The following ASPM variants were observed in gnomAD, a reference collection of about 807,000 sequenced individuals.
ASPM encodes the protein assembly factor for spindle microtubules, also known as abnormal spindle-like microcephaly-associated protein.
A neutral mutation model predicts 366.4 loss-of-function variants in ASPM; 256 were observed. The observed-to-expected ratio is 0.70, with a 90% CI of 0.63 to 0.77. The LOEUF (loss-of-function observed/expected upper bound fraction) is 0.77. Among genes scored for constraint, ASPM ranks in the 30% least tolerant of loss-of-function variants. The pLI is 0.00. For missense variants in ASPM, 4,146 were observed against 4,090.4 expected (o/e 1.01, Z -0.37); for synonymous variants, 1,414 against 1,342.9 (o/e 1.05, Z -1.16).
rs531053999 is a variant in ASPM, at chr1:197,132,469, T to A, written c.2420-117A>T. On this transcript the variant is annotated intron_variant, in intron 6 of 27. Coordinates refer to ENST00000367409, the MANE Select transcript of ASPM (RefSeq NM_018136.5). ...AAATACTTGCTTATATGAAATAAGTTAATTTAAATAAAATACACTTATAGT... is the reference window on the plus strand; with the variant it reads ...AAATACTTGCTTATATGAAATAAGTAAATTTAAATAAAATACACTTATAGT... 1.1e-3 allele frequency: 851 copies of A among 784,352 alleles called. 1 individual carries two copies. Among genetic ancestry groups the A allele is most frequent in the Non-Finnish European group, 1.7e-3 (785 of 472,768 alleles). 48.6% of individuals were successfully genotyped at this position (784,352 alleles called of 1,614,324 possible).
At position 197,104,200 on chromosome 1, in the gene ASPM, T is replaced by C; in HGVS notation, c.5051A>G (p.Lys1684Arg). 1 of 1,612,592 alleles carries C rather than the reference T, an allele frequency of 6.2e-7. No homozygotes were observed. Among genetic ancestry groups the C allele is most frequent in the Non-Finnish European group, 8.5e-7 (1 of 1,179,266 alleles). The part of the protein sequence containing the change: ...EFLSLKNATI[K>R]LQSTVKMKQT... The stretch of plus-strand genomic sequence containing the variant: ...TTTCATCTTAACAGTTGACTGCAAT[T>C]TTATTGTAGCATTTTTTAGGCTCAA... The change falls in exon 18 of 28, where the codon AAA (lysine) becomes AGA (arginine). Residue 1684 changes from lysine (K) to arginine (R), a missense_variant. Around this residue, in one of 3 missense-constraint regions of ASPM, gnomAD observed 3,624 missense variants for 3,591.7 expected, o/e 1.01. Coordinates refer to ENST00000367409, the MANE Select transcript of ASPM (RefSeq NM_018136.5).
Position 197,103,830 on chromosome 1 carries a change from G to A in ASPM, c.5421C>T (p.Cys1807=). 6.2e-7 allele frequency: 1 copy of A among 1,612,954 alleles called. No homozygotes were observed. The highest frequency in any genetic ancestry group is 8.5e-7 in the Non-Finnish European group (1 of 1,179,374). ...NFLQVKKAAT[C]LQAAYRGYKV... ...TATAACCTCTGTAAGCTGCTTGCAA[G>A]CAAGTAGCTGCTTTTTTGACTTGCA... The change falls in exon 18 of 28, where the codon TGC becomes TGT. Residue 1807 remains cysteine (C), a synonymous_variant. Coordinates refer to ENST00000367409, the MANE Select transcript of ASPM (RefSeq NM_018136.5).
At chr1:197,136,738 G>A (rs1024053740) in intron 4 of ASPM, among the ~76,000 whole-genome samples, 5 of 152,010 alleles carry the variant, frequency 3.3e-5, no homozygotes, top group African/African-American at 1.2e-4. Flanking sequence ...GCAAAAATCA[G>A]TAACTCTGAC....
Position 197,102,563 on chromosome 1 carries a change from T to G in ASPM, c.6688A>C (p.Asn2230His). 1 of 1,612,228 alleles carries G rather than the reference T, an allele frequency of 6.2e-7. No homozygotes were observed. Among genetic ancestry groups the G allele is most frequent in the Non-Finnish European group, 8.5e-7 (1 of 1,179,018 alleles). The change falls in exon 18 of 28, where the codon AAC becomes CAC. Residue 2230 changes from asparagine to histidine, a missense_variant. By Grantham distance (68) the Asn-to-His change is moderately conservative (BLOSUM62 1). Coordinates refer to ENST00000367409, the MANE Select transcript of ASPM (RefSeq NM_018136.5). ...QQRYWAMKER[N>H]IQFQRYNKLR... ...TTGTTATACCTTTGAAATTGTATGT[T>G]TCTTTCTTTCATTGCCCAGTATCTT...
At chr1:197,096,374 T>C (rs1328274694) in intron 18 of ASPM, among the ~76,000 whole-genome samples, 1 of 151,832 alleles carries the variant, frequency 6.6e-6, no homozygotes, top group African/African-American at 2.4e-5. Context: ...ATGTGCTTTA[T>C]CACACATACC....
Position 197,129,939 on chromosome 1 carries a change from T to C in ASPM, c.2605A>G (p.Thr869Ala), listed in dbSNP as rs1322714921. 1 of 1,613,728 alleles carries C rather than the reference T, an allele frequency of 6.2e-7. No homozygotes were observed. The highest frequency in any genetic ancestry group is 8.5e-7 in the Non-Finnish European group (1 of 1,179,840). Residue 869 changes from threonine (T) to alanine (A), a missense_variant, in exon 8 of 28, where the codon ACT becomes GCT. This residue lies in a region of ASPM where 3,624 missense variants were observed against 3,591.7 expected (regional missense o/e 1.01). Coordinates refer to ENST00000367409, the MANE Select transcript of ASPM (RefSeq NM_018136.5). The part of the protein sequence containing the change: ...PDIAAEYRHP[T>A]VPHLYRDGHE... The stretch of plus-strand genomic sequence containing the variant: ...CCATCTCTATACAGGTGAGGAACAG[T>C]GGGGTGTCTATACTCAGCTGCTATA...
chr1:197,139,325 G>C (rs147536851), intron 4 of ASPM: 31 of 711,634 alleles, frequency 4.4e-5, no homozygotes, highest in African/African-American at 1.1e-4. Flanking sequence ...GGCCGGGCGC[G>C]GTGGCTCACG....
At chr1:197,120,469 G>A (rs1185202719) in intron 16 of ASPM, among the ~76,000 whole-genome samples, 1 of 152,112 alleles carries the variant, frequency 6.6e-6, no homozygotes, top group Admixed American at 6.6e-5. Context: ...GACAAAATCT[G>A]AAGTGAGCCA....
At chr1:197,132,256 T>C in intron 7 of ASPM, 29 bp downstream of exon 7, 1 of 1,533,928 alleles carries the variant, frequency 6.5e-7, no homozygotes, top group East Asian at 2.3e-5. Flanking sequence ...AAAAAAATAT[T>C]ATTTTAGAAA....
At chr1:197,127,649 C>T (rs1404908240) in intron 10 of ASPM, among the ~76,000 whole-genome samples, 1 of 152,110 alleles carries the variant, frequency 6.6e-6, no homozygotes. Context: ...ACTGGCTATC[C>T]ATCATACATA....
In ASPM at chr1:197,145,845, AATATAT is replaced by A. The variant is rs71131744; in HGVS notation, c.297+290_297+295del. Among the ~76,000 whole-genome samples, 48,182 of 147,538 alleles carry A rather than the reference AATATAT, an allele frequency of 0.33. 9,100 individuals carry two copies. The highest frequency in any genetic ancestry group is 0.46 in the Middle Eastern group (129 of 282). ...CGTCTATCCTAGCCTTCAATTAGAGAATATATATATATATATATATATAATATTGAC... is the reference window on the plus strand; with the variant it reads ...CGTCTATCCTAGCCTTCAATTAGAGAATATATATATATATATAATATTGAC... On this transcript the variant is annotated intron_variant, in intron 1 of 27. Coordinates refer to ENST00000367409, the MANE Select transcript of ASPM (RefSeq NM_018136.5).
In ASPM at chr1:197,143,733, C is replaced by A; in HGVS notation, c.519G>T (p.Gln173His). Residue 173 changes from glutamine (Q) to histidine (H), a missense_variant, in exon 3 of 28, where the codon CAG becomes CAT. Physicochemically the swap from Gln to His is conservative, Grantham distance 24. This residue lies in a region of ASPM where 512 missense variants were observed against 471.7 expected (regional missense o/e 1.09). Coordinates refer to ENST00000367409, the MANE Select transcript of ASPM (RefSeq NM_018136.5). ...TSHNRRVSNI[Q>H]NVNKTFSVSQ... ...AAACACTAAATGTTTTATTAACATT[C>A]TGAATATTTGAAACCCTTCTGTTGT... The A allele has an allele frequency of 6.2e-7, 1 of 1,613,526 alleles. No homozygotes were observed. Among genetic ancestry groups the A allele is most frequent in the Non-Finnish European group, 8.5e-7 (1 of 1,179,636 alleles).
intron 2 of ASPM, 24 bp downstream of exon 2, chr1:197,143,933 A>G: frequency 6.3e-7 from 1 of 1,584,346 alleles, no homozygotes; most frequent in Non-Finnish European, 8.7e-7. Flanking sequence ...CTTAGAGTAA[A>G]TCACAGAATG....
rs1390187208 is a variant in ASPM, at chr1:197,103,625, C to T, written c.5626G>A (p.Ala1876Thr). The change falls in exon 18 of 28, where the codon GCA becomes ACA. Residue 1876 changes from alanine to threonine, a missense_variant. By Grantham distance (58) the Ala-to-Thr change is moderately conservative. This residue lies in a region of ASPM where 3,624 missense variants were observed against 3,591.7 expected (regional missense o/e 1.01). Transcript: ENST00000367409. ...GCAGACTGGAGGGAAATCACAGCTG[C>T]CTTTGTCTTCAAAAAATGTGTTCTT... ...DTRTHFLKTK[A>T]AVISLQSAYR... 3.1e-6 allele frequency: 5 copies of T among 1,612,834 alleles called. No individual in the cohort carries two copies. Among genetic ancestry groups the T allele is most frequent in the Admixed American group, 1.7e-5 (1 of 59,756 alleles).
chr1:197,100,850 A>AAGCTTTATAC lies in ASPM; in HGVS notation c.8391_8400dup (p.Ser2801ValfsTer2). The AAGCTTTATAC allele has an allele frequency of 1.2e-6, 2 of 1,612,654 alleles. No homozygotes were observed. The highest frequency in any genetic ancestry group is 2.2e-5 in the South Asian group (2 of 91,066). ...GCTTCCTGTGAACAAGCAAGGCCAG[A>AAGCTTTATAC]AGCTTTATACCACTCTTGAATCATA... On this transcript the variant is annotated stop_gained and frameshift_variant, in exon 18 of 28. Transcript: ENST00000367409. LOFTEE classifies it high-confidence loss of function.
rs116372001 is a variant in ASPM at position 197,141,733 on chromosome 1, G to A, written c.1921+598C>T. Among the ~76,000 whole-genome samples the A allele has an allele frequency of 7.0e-3, 1,066 of 152,238 alleles. 10 individuals carry two copies. The highest frequency in any genetic ancestry group is 0.023 in the African/African-American group (966 of 41,562). On this transcript the variant is annotated intron_variant, in intron 3 of 27. Coordinates refer to ENST00000367409, the MANE Select transcript of ASPM (RefSeq NM_018136.5). ...CAGGACTGAACGCAACTTGAGGACA[G>A]GAATTATCCCTTTCCTCCCTGTGTA...
chr1:197,099,529 G>A (rs1291411007), intron 18 of ASPM, among the ~76,000 whole-genome samples: 2 of 151,584 alleles, frequency 1.3e-5, no homozygotes, highest in Non-Finnish European at 3.0e-5. Context: ...CTCTGACCAT[G>A]GAGACTAGCT....
At position 197,144,055 on chromosome 1, in the gene ASPM, C is replaced by CCAAA; in HGVS notation, c.342_343insTTTG (p.Glu115PhefsTer15). On this transcript the variant is annotated frameshift_variant, in exon 2 of 28. Transcript: ENST00000367409. LOFTEE classifies it high-confidence loss of function. ...GTCATAATCTCTCTTACTCGGCCTT[C>CCAAA]TTTGAGTGGTGTCCAGTTAACAGAA... 6.2e-7 allele frequency: 1 copy of CCAAA among 1,609,910 alleles called. No individual in the cohort carries two copies. Among genetic ancestry groups the CCAAA allele is most frequent in the Non-Finnish European group, 8.5e-7 (1 of 1,176,500 alleles).
At position 197,146,457 on chromosome 1, in the gene ASPM, C is replaced by T; in HGVS notation, c.-20G>A. 1 of 1,602,790 alleles carries T rather than the reference C, an allele frequency of 6.2e-7. No individual in the cohort carries two copies. ...CGCCATGGCAGATTCGAGACCCCTC[C>T]TGGATCTCCTTGCCCCGCTCCCACG... On this transcript the variant is annotated 5_prime_UTR_variant, in exon 1 of 28. Transcript: ENST00000367409.
Sources: gnomAD v4.1 joint callset for allele counts (sites outside exome capture counted in the v4.1 genomes callset) on GRCh38, gnomAD v4.1.1 for gene constraint, gnomAD v4.1.1 regional missense constraint, MANE v1.5 for transcripts, NCBI Gene and HGNC (gene_info 2026-07-23, HGNC 2026-07-21) for gene names.